Variants in CLEC4M observed in about 807,000 individuals in gnomAD.
The protein encoded by CLEC4M is C-type lectin domain family 4 member M, also known as CD209 antigen-like protein 1.
Under a neutral mutation model 39.1 loss-of-function variants are expected in CLEC4M, and 25 were observed. The ratio of observed to expected loss-of-function variants is 0.64; its 90% CI spans 0.47 to 0.89. The LOEUF is 0.89. CLEC4M is among the 40% of genes least tolerant of loss of function. The probability of loss-of-function intolerance (pLI) is 0.00; values close to 1 mark genes in which losing one functional copy is unlikely to be tolerated. For missense variants in CLEC4M, 353 were observed against 431.4 expected (o/e 0.82, Z 1.61); for synonymous variants, 155 against 177.4 (o/e 0.87, Z 1.00).
At chr19:7,764,927 G>A (rs959185047) in intron 2 of CLEC4M, among the ~76,000 whole-genome samples, 20 of 152,070 alleles carry the variant, frequency 1.3e-4, no homozygotes, top group Admixed American at 1.3e-4. Flanking sequence ...GGAGGTGGAC[G>A]CAGGTACCTG....
intron 4 of CLEC4M, 200 bp downstream of exon 4, chr19:7,766,407 C>CTGTT: frequency 1.4e-6 from 2 of 1,454,998 alleles, no homozygotes; most frequent in Non-Finnish European, 1.8e-6. Context: ...CCGCTGCCTT[C>CTGTT]TGTTCTGAGC....
At chr19:7,763,716 G>A (rs546102156) in intron 2 of CLEC4M, among the ~76,000 whole-genome samples, 4 of 149,590 alleles carry the variant, frequency 2.7e-5, no homozygotes, top group Non-Finnish European at 3.0e-5. Context: ...GGACTCCTGG[G>A]ACCTACAGAG....
At chr19:7,767,997 G>A (rs538734712) in intron 6 of CLEC4M, 12 of 176,838 alleles carry the variant, frequency 6.8e-5, no homozygotes, top group Admixed American at 4.4e-4. Context: ...GCAGGGGGCC[G>A]CTGGGGAAGC....
rs942761278 is a variant in CLEC4M, at chr19:7,765,321, T to C, written c.214+53T>C. 2.5e-6 allele frequency: 4 copies of C among 1,593,812 alleles called. No homozygotes were observed. In the African/African-American group the frequency reaches 4.0e-5, roughly 16 times the overall value. On this transcript the variant is annotated intron_variant, in intron 3 of 6. Transcript: ENST00000327325. ...GTCCCCAGGCCTGGCCTTTTGGCTA[T>C]GAACAGAGCCTGGAGTGGCCAGGTC... is the stretch of plus-strand genomic sequence containing the variant.
chr19:7,766,753 C>A lies in CLEC4M; in HGVS notation c.882C>A (p.Thr294=), dbSNP rs765128120. The change falls in exon 5 of 7, where the codon ACC becomes ACA. Residue 294 remains threonine (T), a synonymous_variant. Coordinates refer to ENST00000327325, the MANE Select transcript of CLEC4M (RefSeq NM_014257.5). ...NSQRNWHDSV[T]ACQEVRAQLV... ...AGCGGAACTGGCACGACTCCGTCAC[C>A]GCCTGCCAGGAAGTGAGGGCCCAGC... 1.2e-6 allele frequency: 2 copies of A among 1,614,088 alleles called. No homozygotes were observed. Among genetic ancestry groups the A allele is most frequent in the Non-Finnish European group, 1.7e-6 (2 of 1,180,052 alleles).
In CLEC4M at chr19:7,768,904, T is replaced by A; in HGVS notation, c.1116T>A (p.Ser372Arg). The change falls in exon 7 of 7, where the codon AGT becomes AGA. Residue 372 changes from serine (S) to arginine (R), a missense_variant. Transcript: ENST00000327325. ...GGAATGAAGACTGTGCGGAATTTAG[T>A]GGCAGTGGCTGGAACGACAATCGAT... is the stretch of plus-strand genomic sequence containing the variant. ...NSGNEDCAEF[S>R]GSGWNDNRCD... is the part of the protein sequence containing the mutation. 6.2e-7 allele frequency: 1 copy of A among 1,614,174 alleles called. No individual in the cohort carries two copies. The highest frequency in any genetic ancestry group is 8.5e-7 in the Non-Finnish European group (1 of 1,180,016).
At chr19:7,764,095 G>A (rs770936320) in intron 2 of CLEC4M, among the ~76,000 whole-genome samples, 2 of 151,970 alleles carry the variant, frequency 1.3e-5, no homozygotes, top group Non-Finnish European at 2.9e-5. Context: ...AGAGATCAAG[G>A]GGTTGAGGAG....
chr19:7,763,654 T>G (rs1599501470), intron 2 of CLEC4M, among the ~76,000 whole-genome samples, 178 bp downstream of exon 2: 1 of 142,200 alleles, frequency 7.0e-6, no homozygotes, highest in Non-Finnish European at 1.5e-5. Context: ...CCTGGGGAGG[T>G]GGGGGTTGAG....
At chr19:7,768,803 A>G (rs773512269) in intron 6 of CLEC4M, 35 bp from the exon 7 acceptor site, 2 of 1,607,260 alleles carry the variant, frequency 1.2e-6, no homozygotes, top group Non-Finnish European at 1.7e-6. Flanking sequence ...TCTACTGGGC[A>G]GGGCAGAGGC....
In CLEC4M at chr19:7,766,683, A is replaced by T. The variant is rs1400722861; in HGVS notation, c.812A>T (p.Asp271Val). The T allele has an allele frequency of 3.1e-6, 5 of 1,614,070 alleles. No individual in the cohort carries two copies. The African/African-American group carries it at 6.7e-5, about 22-fold the overall frequency. ...FERLCRHCPKDWTFFQGNCYF... is the reference protein window; with the variant it reads ...FERLCRHCPKVWTFFQGNCYF... ...CGCCTGTGCCGCCACTGTCCCAAGG[A>T]CTGGACATTCTTCCAAGGAAACTGT... The change falls in exon 5 of 7, where the codon GAC (aspartate) becomes GTC (valine). Residue 271 changes from aspartate (D) to valine (V), a missense_variant. Physicochemically the swap from Asp to Val is radical, Grantham distance 152 (BLOSUM62 -3). Around this residue, in one of 4 missense-constraint regions of CLEC4M, gnomAD observed 196 missense variants for 211.7 expected, o/e 0.93. Coordinates refer to ENST00000327325, the MANE Select transcript of CLEC4M (RefSeq NM_014257.5).
chr19:7,765,322 G>C lies in CLEC4M; in HGVS notation c.214+54G>C, dbSNP rs781267858. The C allele has an allele frequency of 5.0e-6, 8 of 1,592,636 alleles. 1 individual carries two copies. The Middle Eastern group carries it at 6.6e-4, about 132-fold the overall frequency. ...TCCCCAGGCCTGGCCTTTTGGCTAT[G>C]AACAGAGCCTGGAGTGGCCAGGTCT... On this transcript the variant is annotated intron_variant, in intron 3 of 6. Coordinates refer to ENST00000327325, the MANE Select transcript of CLEC4M (RefSeq NM_014257.5).
chr19:7,766,512 G>T, intron 4 of CLEC4M, 144 bp from the exon 5 acceptor site: 2 of 1,508,160 alleles, frequency 1.3e-6, no homozygotes, highest in East Asian at 2.3e-5. Flanking sequence ...GTAGGGAGAG[G>T]AATGGTCTCT....
At position 7,766,476 on chromosome 19, in the gene CLEC4M, C is replaced by T. The variant is rs2034279796; in HGVS notation, c.785-180C>T. The T allele has an allele frequency of 8.2e-6, 12 of 1,459,816 alleles. No homozygotes were observed. The South Asian group carries it at 1.6e-4, about 20-fold the overall frequency. The allele number at this position is 1,459,816 out of a possible 1,614,324, so 90.4% of individuals were successfully genotyped here. On this transcript the variant is annotated intron_variant, in intron 4 of 6. Transcript: ENST00000327325. ...ATGGAGCCAGGACTCCTGGGTTCTC[C>T]TGGGGATCAGGGAGAGTCTTGGGAA...
Position 7,765,636 on chromosome 19 carries a change from A to T in CLEC4M, c.215-2A>T, listed in dbSNP as rs909621528. On this transcript the variant is annotated splice_acceptor_variant, in intron 3 of 6. Transcript: ENST00000327325. LOFTEE classifies it high-confidence loss of function. ...TTGCAGTTCCTTTTCTTCTTGGCCC[A>T]GTGTCCAAGGTCCCCAGCTCCCTAA... 2 of 1,614,074 alleles carry T rather than the reference A, an allele frequency of 1.2e-6. No homozygotes were observed. The highest frequency in any genetic ancestry group is 1.7e-6 in the Non-Finnish European group (2 of 1,179,920).
At chr19:7,763,729 G>T (rs2034121095) in intron 2 of CLEC4M, among the ~76,000 whole-genome samples, 1 of 150,934 alleles carries the variant, frequency 6.6e-6, no homozygotes, top group Non-Finnish European at 1.5e-5. Flanking sequence ...CTACAGAGGT[G>T]GGGGTTGGAA....
At chr19:7,765,049 G>A (rs1335268645) in intron 2 of CLEC4M, 136 bp from the exon 3 acceptor site, 3 of 859,586 alleles carry the variant, frequency 3.5e-6, no homozygotes, top group Non-Finnish European at 5.6e-6. Flanking sequence ...CTAGGGCCTG[G>A]ATTCCCAGGT....
Position 7,763,291 on chromosome 19 carries a change from G to T in CLEC4M, c.25G>T (p.Val9Leu). 1.2e-6 allele frequency: 2 copies of T among 1,608,484 alleles called. No homozygotes were observed. Among genetic ancestry groups the T allele is most frequent in the Non-Finnish European group, 8.5e-7 (1 of 1,177,288 alleles). The change falls in exon 1 of 7, where the codon GTG becomes TTG. Residue 9 changes from valine (V) to leucine (L), a missense_variant. By Grantham distance (32) the Val-to-Leu change is conservative. Transcript: ENST00000327325. ...CATGAGTGACTCCAAGGAACCAAGG[G>T]TGCAGCAGCTGGGCCTCCTGGGTAA... MSDSKEPR[V>L]QQLGLLEEDP...
Position 7,766,750 on chromosome 19 carries a change from C to T in CLEC4M, c.879C>T (p.Val293=), listed in dbSNP as rs1429803372. The change falls in exon 5 of 7, where the codon GTC becomes GTT. Residue 293 remains valine, a synonymous_variant. Transcript: ENST00000327325. ...CCCAGCGGAACTGGCACGACTCCGT[C>T]ACCGCCTGCCAGGAAGTGAGGGCCC... ...SNSQRNWHDS[V]TACQEVRAQL... is the part of the protein sequence containing the mutation. 1.9e-6 allele frequency: 3 copies of T among 1,614,118 alleles called. No individual in the cohort carries two copies. Among genetic ancestry groups the T allele is most frequent in the African/African-American group, 2.7e-5 (2 of 74,942 alleles).
Position 7,766,727 on chromosome 19 carries a change from C to G in CLEC4M, c.856C>G (p.Gln286Glu). 1 of 1,614,248 alleles carries G rather than the reference C, an allele frequency of 6.2e-7. No individual in the cohort carries two copies. Among genetic ancestry groups the G allele is most frequent in the Non-Finnish European group, 8.5e-7 (1 of 1,180,036 alleles). ...AAACTGTTACTTCATGTCTAACTCC[C>G]AGCGGAACTGGCACGACTCCGTCAC... The part of the protein sequence containing the change: ...QGNCYFMSNS[Q>E]RNWHDSVTAC... Residue 286 changes from glutamine to glutamate, a missense_variant, in exon 5 of 7, where the codon CAG becomes GAG. Physicochemically the swap from Gln to Glu is conservative, Grantham distance 29. Coordinates refer to ENST00000327325, the MANE Select transcript of CLEC4M (RefSeq NM_014257.5).
Sources: gnomAD v4.1 joint callset for allele counts (sites outside exome capture counted in the v4.1 genomes callset) on GRCh38, gnomAD v4.1.1 for gene constraint, gnomAD v4.1.1 regional missense constraint, MANE v1.5 for transcripts, NCBI Gene and HGNC (gene_info 2026-07-23, HGNC 2026-07-21) for gene names.